Variants in EIF4G3 observed in about 807,000 individuals in gnomAD.
EIF4G3 encodes eIF-4-gamma 3.
Under a neutral mutation model 186.4 loss-of-function variants are expected in EIF4G3, and 34 were observed. The observed-to-expected ratio is 0.18, with a 90% CI of 0.14 to 0.24. The LOEUF (loss-of-function observed/expected upper bound fraction) is 0.24. Ranked by LOEUF, EIF4G3 falls within the 10% of genes least tolerant of loss-of-function variation. The probability of loss-of-function intolerance (pLI) is 1.00; values close to 1 mark genes in which losing one functional copy is unlikely to be tolerated. For synonymous variants in EIF4G3, 673 were observed against 679.5 expected (o/e 0.99, Z 0.15); for missense variants, 1,536 against 1,948.5 (o/e 0.79, Z 3.99).
chr1:21,075,716 C>T (rs910579261), intron 3 of EIF4G3, among the ~76,000 whole-genome samples: 1 of 149,346 alleles, frequency 6.7e-6, no homozygotes, highest in African/African-American at 2.5e-5. Context: ...AAGTCAAAAA[C>T]TGTAAAACAG....
intron 34 of EIF4G3, among the ~76,000 whole-genome samples, chr1:20,815,704 T>A (rs1270732458): frequency 4.6e-5 from 5 of 108,084 alleles, no homozygotes; most frequent in Non-Finnish European, 9.2e-5. Context: ...GGTGAGGGGA[T>A]CCTCTGCCCG....
intron 12 of EIF4G3, among the ~76,000 whole-genome samples, chr1:20,959,264 G>T (rs1040031495): frequency 1.3e-5 from 2 of 151,996 alleles, no homozygotes; most frequent in Non-Finnish European, 2.9e-5. Flanking sequence ...CTTCAACAAA[G>T]CATATAAAAA....
At chr1:20,840,746 C>A (rs1571424497) in intron 30 of EIF4G3, 110 bp downstream of exon 30, 13 of 1,005,778 alleles carry the variant, frequency 1.3e-5, no homozygotes, top group Non-Finnish European at 2.9e-6. Flanking sequence ...ACAGTGGATA[C>A]AATTTTCATC....
At chr1:20,882,408 C>T (rs572528411) in intron 19 of EIF4G3, among the ~76,000 whole-genome samples, 2 of 151,916 alleles carry the variant, frequency 1.3e-5, no homozygotes, top group African/African-American at 4.8e-5. Context: ...TCACTTGAGG[C>T]CCGGAGTTCC....
At position 20,864,512 on chromosome 1, in the gene EIF4G3, G is replaced by T. The variant is rs548848088; in HGVS notation, c.2970C>A (p.Thr990=). The part of the protein sequence containing the change: ...ESLECLCRLL[T]TIGKDLDFEK... ...CAAAGTCCAAGTCTTTGCCAATGGT[G>T]GTGAGCAGGCGACACAGGCACTCCA... The change falls in exon 22 of 37, where the codon ACC becomes ACA. Residue 990 remains threonine, a synonymous_variant. Transcript: ENST00000602326. 1 of 1,614,176 alleles carries T rather than the reference G, an allele frequency of 6.2e-7. No homozygotes were observed. Among genetic ancestry groups the T allele is most frequent in the Admixed American group, 1.7e-5 (1 of 60,022 alleles).
Position 20,851,304 on chromosome 1 carries a change from C to T in EIF4G3, c.3726G>A (p.Val1242=). 1 of 1,614,164 alleles carries T rather than the reference C, an allele frequency of 6.2e-7. No individual in the cohort carries two copies. The change falls in exon 28 of 37, where the codon GTG becomes GTA. Residue 1242 remains valine, a synonymous_variant. Transcript: ENST00000602326. ...TVKQLTGGVD[V]ERNSTEAERN... is the part of the protein sequence containing the mutation. ...GCTCAGCCTCAGTGCTGTTCCTCTC[C>T]ACATCCACACCTCCTGTGAGCTGCT...
chr1:21,025,465 T>G (rs1343022800), intron 4 of EIF4G3, among the ~76,000 whole-genome samples: 2 of 151,444 alleles, frequency 1.3e-5, no homozygotes, highest in African/African-American at 2.4e-5. Context: ...AAAGGCAGAT[T>G]TGGGAGTTAA....
At chr1:21,047,028 T>C (rs889032103) in intron 4 of EIF4G3, among the ~76,000 whole-genome samples, 3 of 152,196 alleles carry the variant, frequency 2.0e-5, no homozygotes, top group African/African-American at 4.8e-5. Flanking sequence ...TACAGGGCAG[T>C]AGAATTCTAA....
rs553774642 is a variant in EIF4G3, at chr1:21,113,316, T to C, written c.-271-24103A>G. Among the ~76,000 whole-genome samples, 4 of 152,254 alleles carry C rather than the reference T, an allele frequency of 2.6e-5. No individual in the cohort carries two copies. In the East Asian group the frequency reaches 7.7e-4, roughly 29 times the overall value. On this transcript the variant is annotated intron_variant, in intron 2 of 36. Transcript: ENST00000602326. Reference sequence around the variant, plus strand: ...AAGCTTTCTTAGGCTGAATGATTTTTTTTTTAAATTCTATCAAATGGATTC... The same window carrying C: ...AAGCTTTCTTAGGCTGAATGATTTTCTTTTTAAATTCTATCAAATGGATTC...
chr1:20,995,645 T>A (rs1336262748), intron 7 of EIF4G3, among the ~76,000 whole-genome samples: 2 of 152,222 alleles, frequency 1.3e-5, no homozygotes, highest in African/African-American at 4.8e-5. Context: ...GTGTTGGGAT[T>A]ACAGGTTTGA....
intron 14 of EIF4G3, among the ~76,000 whole-genome samples, chr1:20,928,634 C>T (rs2095098172): frequency 1.3e-5 from 2 of 152,126 alleles, no homozygotes; most frequent in African/African-American, 4.8e-5. Flanking sequence ...ATCTCCTGAC[C>T]TCGTGATCCG....
At chr1:20,809,879 G>A (rs1280850538) in intron 36 of EIF4G3, among the ~76,000 whole-genome samples, 1 of 152,148 alleles carries the variant, frequency 6.6e-6, no homozygotes, top group Non-Finnish European at 1.5e-5. Context: ...CATCACTGTG[G>A]AAAGTTTTAT....
chr1:21,101,754 T>C (rs1323654916), intron 2 of EIF4G3, among the ~76,000 whole-genome samples: 3 of 152,008 alleles, frequency 2.0e-5, no homozygotes, highest in South Asian at 2.1e-4. Flanking sequence ...CTTTATGTTA[T>C]TATTATATTT....
At chr1:20,853,760 GC>G in intron 26 of EIF4G3, 83 bp from the exon 27 acceptor site, 1 of 965,390 alleles carries the variant, frequency 1.0e-6, no homozygotes, top group Non-Finnish European at 1.6e-6. Flanking sequence ...CCTAGGTGAG[GC>G]CTGAGACCAG....
intron 2 of EIF4G3, among the ~76,000 whole-genome samples, chr1:21,129,118 G>T (rs1035789408): frequency 1.3e-5 from 2 of 151,700 alleles, no homozygotes; most frequent in African/African-American, 4.8e-5. Context: ...TTCAAGACCA[G>T]CCTGGCCAAC....
intron 18 of EIF4G3, among the ~76,000 whole-genome samples, chr1:20,888,275 A>G (rs1039532985): frequency 6.6e-6 from 1 of 152,214 alleles, no homozygotes; most frequent in African/African-American, 2.4e-5. Context: ...TCAAAGGAAA[A>G]AAAACTTTGA....
chr1:21,117,484 TTTGCA>T (rs1471443336), intron 2 of EIF4G3, among the ~76,000 whole-genome samples: 1 of 152,084 alleles, frequency 6.6e-6, no homozygotes, highest in Non-Finnish European at 1.5e-5. Context: ...AAAGCTTTGC[TTTGCA>T]TTGTTCATTA....
intron 10 of EIF4G3, among the ~76,000 whole-genome samples, chr1:20,979,142 G>T (rs1168220899): frequency 6.6e-6 from 1 of 152,022 alleles, no homozygotes; most frequent in Non-Finnish European, 1.5e-5. Flanking sequence ...ACCTTCCATG[G>T]AATAAGAGAA....
intron 25 of EIF4G3, 32 bp downstream of exon 25, chr1:20,857,371 A>G: frequency 6.6e-7 from 1 of 1,523,710 alleles, no homozygotes; most frequent in Non-Finnish European, 9.1e-7. Flanking sequence ...ATCAAAGGAG[A>G]GCGTAAATTG....
Sources: allele counts gnomAD v4.1 joint callset (sites outside exome capture counted in the v4.1 genomes callset), GRCh38; gene constraint gnomAD v4.1.1; transcripts MANE v1.5; gene names NCBI Gene and HGNC (gene_info 2026-07-23, HGNC 2026-07-21).